CORIN: variants seen among roughly 807,000 people sequenced by gnomAD.
CORIN encodes atrial natriuretic peptide-converting enzyme.
CORIN carries 117 observed loss-of-function variants against 125.3 expected under a neutral mutation model. That is an observed-to-expected ratio of 0.93 (90% confidence interval 0.80 to 1.09). The LOEUF (loss-of-function observed/expected upper bound fraction) is 1.09. Among genes scored for constraint, CORIN ranks in the 50% least tolerant of loss-of-function variants. CORIN has a pLI of 0.00. For synonymous variants in CORIN, 450 were observed against 466.4 expected, an observed-to-expected ratio of 0.96 and a Z score of 0.45; for missense variants, 1,253 against 1,306.7, an observed-to-expected ratio of 0.96 and a Z score of 0.63.
intron 1 of CORIN, among the ~76,000 whole-genome samples, chr4:47,818,584 C>T (rs1421683728): frequency 1.3e-5 from 2 of 152,120 alleles, no homozygotes; most frequent in Non-Finnish European, 2.9e-5. Flanking sequence ...AAAGATTGGA[C>T]AACTGGTCAG....
At chr4:47,704,064 C>T (rs973884740) in intron 5 of CORIN, among the ~76,000 whole-genome samples, 3 of 152,124 alleles carry the variant, frequency 2.0e-5, no homozygotes, top group African/African-American at 7.2e-5. Flanking sequence ...ATGATTTACA[C>T]GCTGGTGGAA....
intron 1 of CORIN, chr4:47,831,470 A>G (rs1042659455): frequency 6.6e-6 from 1 of 152,282 alleles, no homozygotes; most frequent in Non-Finnish European, 1.5e-5. Flanking sequence ...GGGGACAGTG[A>G]CAGGCTTGGG....
At chr4:47,694,462 T>G (rs1401738709) in intron 5 of CORIN, among the ~76,000 whole-genome samples, 2 of 151,498 alleles carry the variant, frequency 1.3e-5, no homozygotes, top group Non-Finnish European at 3.0e-5. Context: ...CCAAAGCTTG[T>G]GTGTGTGTGT....
intron 8 of CORIN, among the ~76,000 whole-genome samples, chr4:47,679,192 G>A (rs187688403): frequency 6.6e-6 from 1 of 152,240 alleles, no homozygotes; most frequent in East Asian, 1.9e-4. Context: ...CTTAAGACCT[G>A]ACAGCTTCTA....
chr4:47,679,231 G>A (rs1725153548), intron 8 of CORIN, among the ~76,000 whole-genome samples: 2 of 152,104 alleles, frequency 1.3e-5, no homozygotes. Context: ...TCTCTAATGG[G>A]TATAGTATAT....
At chr4:47,630,843 T>C (rs1722776286) in intron 16 of CORIN, among the ~76,000 whole-genome samples, 1 of 152,172 alleles carries the variant, frequency 6.6e-6, no homozygotes, top group African/African-American at 2.4e-5. Flanking sequence ...ATTTTCTGAT[T>C]CAGTTAAGTC....
chr4:47,597,297 A>G (rs1204542516), intron 21 of CORIN, among the ~76,000 whole-genome samples: 3 of 150,784 alleles, frequency 2.0e-5, no homozygotes, highest in Non-Finnish European at 4.4e-5. Context: ...GGTTGCAGTG[A>G]GCTGAGATCA....
chr4:47,664,295 T>C (rs1449039146), intron 11 of CORIN, among the ~76,000 whole-genome samples: 1 of 152,224 alleles, frequency 6.6e-6, no homozygotes, highest in African/African-American at 2.4e-5. Flanking sequence ...TATTGTCCAT[T>C]CAGGGTTCAT....
chr4:47,636,947 G>A (rs947388459), intron 16 of CORIN, among the ~76,000 whole-genome samples: 1 of 152,158 alleles, frequency 6.6e-6, no homozygotes, highest in South Asian at 2.1e-4. Flanking sequence ...GAAGAAGACA[G>A]GAAAATGTAG....
At chr4:47,625,208 A>G (rs971625856) in intron 17 of CORIN, among the ~76,000 whole-genome samples, 8 of 152,060 alleles carry the variant, frequency 5.3e-5, no homozygotes, top group African/African-American at 1.9e-4. Context: ...TCACTTCTAC[A>G]TCCCCTCAAA....
chr4:47,781,820 C>T (rs1730559900), intron 3 of CORIN, among the ~76,000 whole-genome samples: 1 of 151,942 alleles, frequency 6.6e-6, no homozygotes, highest in Non-Finnish European at 1.5e-5. Context: ...CGCCTGTAGT[C>T]CCAGCTACTC....
At chr4:47,821,010 G>A (rs1277451467) in intron 1 of CORIN, among the ~76,000 whole-genome samples, 2 of 152,172 alleles carry the variant, frequency 1.3e-5, no homozygotes, top group East Asian at 1.9e-4. Flanking sequence ...GATGAGGCAG[G>A]CGGATCATGA....
chr4:47,819,913 G>A (rs1396776820), intron 1 of CORIN, among the ~76,000 whole-genome samples: 1 of 152,158 alleles, frequency 6.6e-6, no homozygotes, highest in Non-Finnish European at 1.5e-5. Flanking sequence ...TCATCAGAAT[G>A]CTACCAAATA....
intron 12 of CORIN, among the ~76,000 whole-genome samples, chr4:47,660,029 C>A (rs1560493590): frequency 6.6e-6 from 1 of 152,054 alleles, no homozygotes; most frequent in Non-Finnish European, 1.5e-5. Flanking sequence ...GAGAAAAGAA[C>A]TCATACATCT....
At chr4:47,604,524 C>T (rs1354586568) in intron 19 of CORIN, among the ~76,000 whole-genome samples, 2 of 152,192 alleles carry the variant, frequency 1.3e-5, no homozygotes, top group Non-Finnish European at 2.9e-5. Flanking sequence ...TTATTGAGGG[C>T]TTACCATGTA....
intron 1 of CORIN, among the ~76,000 whole-genome samples, chr4:47,812,250 C>A (rs1335190699): frequency 6.6e-6 from 1 of 152,116 alleles, no homozygotes; most frequent in African/African-American, 2.4e-5. Flanking sequence ...ATAACACCAG[C>A]ACTTTGGGAG....
intron 12 of CORIN, among the ~76,000 whole-genome samples, chr4:47,655,606 G>A (rs1723937778): frequency 6.6e-6 from 1 of 152,202 alleles, no homozygotes; most frequent in Admixed American, 6.5e-5. Flanking sequence ...TTACCTCTCT[G>A]TGGAAAGAGG....
chr4:47,662,162 T>G (rs1239160809), intron 11 of CORIN, among the ~76,000 whole-genome samples: 3 of 152,240 alleles, frequency 2.0e-5, no homozygotes, highest in Admixed American at 6.5e-5. Flanking sequence ...CTTCTGTCTT[T>G]GAAGGAGACA....
chr4:47,628,235 G>C (rs1379807911), intron 16 of CORIN, among the ~76,000 whole-genome samples: 1 of 152,096 alleles, frequency 6.6e-6, no homozygotes, highest in Non-Finnish European at 1.5e-5. Flanking sequence ...AATTTGTTTG[G>C]TTGTATTTCT....
Sources: allele counts gnomAD v4.1 joint callset (sites outside exome capture counted in the v4.1 genomes callset), GRCh38; gene constraint gnomAD v4.1.1; transcripts MANE v1.5; gene names NCBI Gene and HGNC (gene_info 2026-07-23, HGNC 2026-07-21).